SPRED3: variants seen among roughly 807,000 people sequenced by gnomAD.
The protein encoded by SPRED3 is sprouty-related, EVH1 domain-containing protein 3.
SPRED3 carries 23 observed loss-of-function variants against 37.6 expected under a neutral mutation model. The ratio of observed to expected loss-of-function variants is 0.61; its 90% CI spans 0.44 to 0.87. The LOEUF (loss-of-function observed/expected upper bound fraction) is 0.87, where lower values mean the gene tolerates loss of function less well. SPRED3 is among the 40% of genes least tolerant of loss of function. The pLI, the probability that SPRED3 is intolerant of heterozygous loss-of-function variation, is 0.00. For synonymous variants in SPRED3, 302 were observed against 279.6 expected (o/e 1.08, Z -0.80); for missense variants, 584 against 618.6 (o/e 0.94, Z 0.59).
At chr19:38,391,509 T>C (rs191783953) in intron 2 of SPRED3, among the ~76,000 whole-genome samples, 1 of 152,124 alleles carries the variant, frequency 6.6e-6, no homozygotes, top group Admixed American at 6.5e-5. Context: ...TTCAGCAAGA[T>C]TCGGGGTTTC....
rs1048398250 is a variant in SPRED3 at position 38,398,118 on chromosome 19, C to T, written c.*1973C>T. On this transcript the variant is annotated 3_prime_UTR_variant, in exon 6 of 6. Transcript: ENST00000691638. ...CAGGCTAGTTATGGCTCTGCTGTCC[C>T]ACAGCCCCCAGTCTTGCAGACCTTC... 2 of 152,230 alleles carry T rather than the reference C, an allele frequency of 1.3e-5. No homozygotes were observed. The highest frequency in any genetic ancestry group is 4.8e-5 in the African/African-American group (2 of 41,442). 9.4% of individuals were successfully genotyped at this position (152,230 alleles called of 1,614,324 possible).
At chr19:38,389,167 T>C (rs2145148366) in intron 1 of SPRED3, among the ~76,000 whole-genome samples, 1 of 152,296 alleles carries the variant, frequency 6.6e-6, no homozygotes, top group East Asian at 1.9e-4. Flanking sequence ...CCTGCTCTCA[T>C]TCCCTGCTTC....
At chr19:38,389,849 G>C (rs1381070581) in intron 1 of SPRED3, 1 of 152,442 alleles carries the variant, frequency 6.6e-6, no homozygotes, top group Non-Finnish European at 1.5e-5. Context: ...CGGAGGCAGG[G>C]TTGGGAGAAC....
chr19:38,395,995 G>T lies in SPRED3; in HGVS notation c.1083G>T (p.Pro361=). Residue 361 remains proline, a synonymous_variant, in exon 6 of 6, where the codon CCG becomes CCT. Transcript: ENST00000691638. This position sits in a 1 kb window ranked among gnomAD's most constrained non-coding sequence, Gnocchi z 5.2. The part of the protein sequence containing the change: ...SDPCACEPGH[P]RPAARWAALA... ...CGTGCGCCTGCGAGCCGGGCCACCCGCGCCCCGCCGCGCGCTGGGCCGCGC... is the reference window on the plus strand; with the variant it reads ...CGTGCGCCTGCGAGCCGGGCCACCCTCGCCCCGCCGCGCGCTGGGCCGCGC... 7.0e-7 allele frequency: 1 copy of T among 1,423,864 alleles called. No individual in the cohort carries two copies. Among genetic ancestry groups the T allele is most frequent in the Non-Finnish European group, 9.1e-7 (1 of 1,094,600 alleles). The allele number at this position is 1,423,864 out of a possible 1,614,324, so 88.2% of individuals were successfully genotyped here.
Position 38,398,680 on chromosome 19 carries a change from G to A in SPRED3, c.*2535G>A, listed in dbSNP as rs1870017962. On this transcript the variant is annotated 3_prime_UTR_variant, in exon 6 of 6. Transcript: ENST00000691638. ...GCTTCCAGTGGATCGAAGATCTGGT[G>A]TCCTGTATGGGGGCCTCAAGGTCTT... 6.6e-6 allele frequency: 1 copy of A among 152,094 alleles called. No individual in the cohort carries two copies. The highest frequency in any genetic ancestry group is 6.5e-5 in the Admixed American group (1 of 15,270). 9.4% of individuals were successfully genotyped at this position (152,094 alleles called of 1,614,324 possible). A position where few individuals can be genotyped will look rare whatever the true frequency, so the allele number is the denominator to read the frequency against.
chr19:38,392,382 A>G (rs1970844345), intron 4 of SPRED3, 94 bp downstream of exon 4: 7 of 1,338,086 alleles, frequency 5.2e-6, no homozygotes, highest in South Asian at 1.7e-5. Flanking sequence ...AGCAGGCACC[A>G]TGCCACACAC....
Position 38,394,757 on chromosome 19 carries a change from C to T in SPRED3, c.538C>T (p.Pro180Ser), listed in dbSNP as rs142553701. The T allele has an allele frequency of 1.9e-6, 3 of 1,575,964 alleles. No homozygotes were observed. Among genetic ancestry groups the T allele is most frequent in the East Asian group, 2.3e-5 (1 of 43,682 alleles). Residue 180 changes from proline to serine, a missense_variant, in exon 5 of 6, where the codon CCC becomes TCC. Pro to Ser is a moderately conservative substitution (Grantham distance 74). This residue lies in a region of SPRED3 where 310 missense variants were observed against 281.1 expected (regional missense o/e 1.10). Coordinates refer to ENST00000691638, the MANE Select transcript of SPRED3 (RefSeq NM_001394336.1). Reference protein sequence around the residue: ...ESASGFGPTTPPQRRRSSAQS... With the variant: ...ESASGFGPTTSPQRRRSSAQS... ...AGCTTCAGGCTTCGGGCCGACCACGCCCCCCCAGCGCCGCCGCTCCTCCGC... is the reference window on the plus strand; with the variant it reads ...AGCTTCAGGCTTCGGGCCGACCACGTCCCCCCAGCGCCGCCGCTCCTCCGC...
In SPRED3 at chr19:38,396,804, G is replaced by C. The variant is rs1361859550; in HGVS notation, c.*659G>C. On this transcript the variant is annotated 3_prime_UTR_variant, in exon 6 of 6. Coordinates refer to ENST00000691638, the MANE Select transcript of SPRED3 (RefSeq NM_001394336.1). Reference sequence around the variant, plus strand: ...GCCCCTCAAATCTACCCACGACTTAGTGCCCACAGACCTGGCCTCCAGTCC... The same window carrying C: ...GCCCCTCAAATCTACCCACGACTTACTGCCCACAGACCTGGCCTCCAGTCC... 3.3e-5 allele frequency: 5 copies of C among 152,096 alleles called. No homozygotes were observed. The highest frequency in any genetic ancestry group is 1.2e-4 in the African/African-American group (5 of 41,402). The allele number at this position is 152,096 out of a possible 1,614,324, so 9.4% of individuals were successfully genotyped here. A position where few individuals can be genotyped will look rare whatever the true frequency, so the allele number is the denominator to read the frequency against.
Position 38,392,306 on chromosome 19 carries a change from C to T in SPRED3, c.423+18C>T. 1.3e-6 allele frequency: 2 copies of T among 1,513,110 alleles called. No homozygotes were observed. The highest frequency in any genetic ancestry group is 1.8e-6 in the Non-Finnish European group (2 of 1,131,944). 93.7% of individuals were successfully genotyped at this position (1,513,110 alleles called of 1,614,324 possible). A position where few individuals can be genotyped will look rare whatever the true frequency, so the allele number is the denominator to read the frequency against. Reference sequence around the variant, plus strand: ...CTCTGACGGTGAGTGTCCAGGATGCCTCTCTGCTGGGGGAGGGTAGGGGTT... The same window carrying T: ...CTCTGACGGTGAGTGTCCAGGATGCTTCTCTGCTGGGGGAGGGTAGGGGTT... On this transcript the variant is annotated intron_variant, in intron 4 of 5. Coordinates refer to ENST00000691638, the MANE Select transcript of SPRED3 (RefSeq NM_001394336.1).
chr19:38,395,382 G>T lies in SPRED3; in HGVS notation c.568-98G>T. 8.2e-7 allele frequency: 1 copy of T among 1,226,388 alleles called. No individual in the cohort carries two copies. The allele number at this position is 1,226,388 out of a possible 1,614,324, so 76.0% of individuals were successfully genotyped here. ...TGGGAGAGAAGCAAGCTGGGGTCTT[G>T]AAAATCTGAATCCCAGACCCAAGAG... is the stretch of plus-strand genomic sequence containing the variant. On this transcript the variant is annotated intron_variant, in intron 5 of 5. Transcript: ENST00000691638. This position sits in a 1 kb window ranked among gnomAD's most constrained non-coding sequence, Gnocchi z 5.2.
intron 4 of SPRED3, chr19:38,392,702 C>T (rs761726966): frequency 1.9e-5 from 3 of 153,912 alleles, no homozygotes; most frequent in Non-Finnish European, 4.3e-5. Context: ...TACTCAGGCT[C>T]TAAATCTTGG....
intron 2 of SPRED3, among the ~76,000 whole-genome samples, chr19:38,391,250 TGA>T (rs1379359690): frequency 6.7e-6 from 1 of 149,262 alleles, no homozygotes; most frequent in Admixed American, 6.7e-5. Context: ...CAGCCACTCA[TGA>T]GTCTGAGGCC....
chr19:38,395,536 A>T lies in SPRED3; in HGVS notation c.624A>T (p.Ala208=). The stretch of plus-strand genomic sequence containing the variant: ...TTCCGGAACCCTCAGAGCCCCTGGC[A>T]GGGGCAGGGGGCCTGGGGTGGGGCG... ...TGIPEPSEPL[A]GAGGLGWGGR... is the part of the protein sequence containing the mutation. Residue 208 remains alanine (A), a synonymous_variant, in exon 6 of 6, where the codon GCA becomes GCT. Transcript: ENST00000691638. This position sits in a 1 kb window ranked among gnomAD's most constrained non-coding sequence, Gnocchi z 5.2. 6.5e-7 allele frequency: 1 copy of T among 1,542,884 alleles called. No homozygotes were observed. The highest frequency in any genetic ancestry group is 2.5e-5 in the East Asian group (1 of 39,340).
Position 38,390,392 on chromosome 19 carries a change from C to G in SPRED3, c.90C>G (p.Ser30Arg). ...GGGGCGGGGGCCTCAGCCAGGTGAGCGTGTGTCGGGTCCGAGGGGCCAGGC... is the reference window on the plus strand; with the variant it reads ...GGGGCGGGGGCCTCAGCCAGGTGAGGGTGTGTCGGGTCCGAGGGGCCAGGC... ...PVGGGGLSQV[S>R]VCRVRGARPE... is the part of the protein sequence containing the mutation. Residue 30 changes from serine (S) to arginine (R), a missense_variant, in exon 2 of 6, where the codon AGC (serine) becomes AGG (arginine). By Grantham distance (110) the Ser-to-Arg change is moderately radical. Coordinates refer to ENST00000691638, the MANE Select transcript of SPRED3 (RefSeq NM_001394336.1). The G allele has an allele frequency of 7.2e-7, 1 of 1,383,572 alleles. No homozygotes were observed. Among genetic ancestry groups the G allele is most frequent in the African/African-American group, 1.5e-5 (1 of 66,568 alleles). 85.7% of individuals were successfully genotyped at this position (1,383,572 alleles called of 1,614,324 possible).
At position 38,399,040 on chromosome 19, in the gene SPRED3, T is replaced by C. The variant is rs1434968637; in HGVS notation, c.*2895T>C. 2 of 151,716 alleles carry C rather than the reference T, an allele frequency of 1.3e-5. No homozygotes were observed. Among genetic ancestry groups the C allele is most frequent in the Non-Finnish European group, 2.9e-5 (2 of 68,020 alleles). The allele number at this position is 151,716 out of a possible 1,614,324, so 9.4% of individuals were successfully genotyped here. On this transcript the variant is annotated 3_prime_UTR_variant, in exon 6 of 6. Transcript: ENST00000691638. ...GGGGCAGCCTGGGTCCCCATGCCCCTCTCTGTGCCTCGGTCTCCCCCCTTC... is the reference window on the plus strand; with the variant it reads ...GGGGCAGCCTGGGTCCCCATGCCCCCCTCTGTGCCTCGGTCTCCCCCCTTC...
chr19:38,395,850 G>C lies in SPRED3; in HGVS notation c.938G>C (p.Gly313Ala). 2.7e-6 allele frequency: 4 copies of C among 1,474,844 alleles called. No individual in the cohort carries two copies. Among genetic ancestry groups the C allele is most frequent in the Non-Finnish European group, 3.6e-6 (4 of 1,121,718 alleles). The allele number at this position is 1,474,844 out of a possible 1,614,324, so 91.4% of individuals were successfully genotyped here. Residue 313 changes from glycine (G) to alanine (A), a missense_variant, in exon 6 of 6, where the codon GGC becomes GCC. This residue lies in a region of SPRED3 where 67 missense variants were observed against 57.4 expected (regional missense o/e 1.17). Transcript: ENST00000691638. The surrounding 1 kb of genome is among the most constrained non-coding windows in gnomAD (Gnocchi z 5.2). Reference protein sequence around the residue: ...LFRRRADGRGGRCAEAPDPGR... With the variant: ...LFRRRADGRGARCAEAPDPGR... ...CGTCGCAGAGCAGACGGGCGTGGCGGCCGCTGCGCAGAGGCCCCGGACCCG... is the reference window on the plus strand; with the variant it reads ...CGTCGCAGAGCAGACGGGCGTGGCGCCCGCTGCGCAGAGGCCCCGGACCCG...
intron 2 of SPRED3, among the ~76,000 whole-genome samples, chr19:38,390,969 C>T (rs138926593): frequency 2.0e-5 from 3 of 151,884 alleles, no homozygotes; most frequent in Non-Finnish European, 2.9e-5. Flanking sequence ...ACTGGGCTGT[C>T]GGGCACAATG....
At position 38,398,712 on chromosome 19, in the gene SPRED3, AG is replaced by A. The variant is rs1970928188; in HGVS notation, c.*2568del. On this transcript the variant is annotated 3_prime_UTR_variant, in exon 6 of 6. Transcript: ENST00000691638. Reference sequence around the variant, plus strand: ...ATGGGGGCCTCAAGGTCTTGGAGCAAGACAGTCTCAATGTTGTATGGGCTTG... The same window carrying A: ...ATGGGGGCCTCAAGGTCTTGGAGCAAACAGTCTCAATGTTGTATGGGCTTG... The A allele has an allele frequency of 6.6e-6, 1 of 152,238 alleles. No individual in the cohort carries two copies. The highest frequency in any genetic ancestry group is 1.9e-4 in the East Asian group (1 of 5,174). 9.4% of individuals were successfully genotyped at this position (152,238 alleles called of 1,614,324 possible). A position where few individuals can be genotyped will look rare whatever the true frequency, so the allele number is the denominator to read the frequency against.
Position 38,395,922 on chromosome 19 carries a change from G to T in SPRED3, c.1010G>T (p.Ser337Ile). 2 of 1,511,704 alleles carry T rather than the reference G, an allele frequency of 1.3e-6. No homozygotes were observed. The highest frequency in any genetic ancestry group is 2.9e-5 in the African/African-American group (2 of 69,764). 93.6% of individuals were successfully genotyped at this position (1,511,704 alleles called of 1,614,324 possible). A position where few individuals can be genotyped will look rare whatever the true frequency, so the allele number is the denominator to read the frequency against. ...CTAAGCTGCCTGTGGTGCGCCGAGA[G>T]CTTGCTCTACCACTGCCTGTCGGAC... Reference protein sequence around the residue: ...RRLSCLWCAESLLYHCLSDAE... With the variant: ...RRLSCLWCAEILLYHCLSDAE... Residue 337 changes from serine (S) to isoleucine (I), a missense_variant, in exon 6 of 6, where the codon AGC becomes ATC. By Grantham distance (142) the Ser-to-Ile change is moderately radical. This residue lies in a region of SPRED3 where 67 missense variants were observed against 57.4 expected (regional missense o/e 1.17). Transcript: ENST00000691638. This position sits in a 1 kb window ranked among gnomAD's most constrained non-coding sequence, Gnocchi z 5.2.
Sources: allele counts gnomAD v4.1 joint callset (sites outside exome capture counted in the v4.1 genomes callset), GRCh38; gene constraint gnomAD v4.1.1; regional missense constraint gnomAD v4.1.1; non-coding constraint Gnocchi (gnomAD v3.1); transcripts MANE v1.5; gene names NCBI Gene and HGNC (gene_info 2026-07-23, HGNC 2026-07-21).